Variants in FBXL17 observed in about 807,000 individuals in gnomAD.
The protein encoded by FBXL17 is F-box and leucine rich repeat protein 17, also known as F-box/LRR-repeat protein 17.
A neutral mutation model predicts 66.2 loss-of-function variants in FBXL17; 22 were observed. The ratio of observed to expected loss-of-function variants is 0.33; its 90% CI spans 0.24 to 0.47. The LOEUF is 0.47. Ranked by LOEUF, FBXL17 falls within the 20% of genes least tolerant of loss-of-function variation. FBXL17 has a pLI of 1.00. For synonymous variants in FBXL17, 474 were observed against 400.5 expected (o/e 1.18, Z -2.19); for missense variants, 878 against 948.2 (o/e 0.93, Z 0.97).
intron 4 of FBXL17, among the ~76,000 whole-genome samples, chr5:108,335,790 T>G (rs758272504): frequency 1.3e-5 from 2 of 152,148 alleles, no homozygotes; most frequent in Non-Finnish European, 2.9e-5. Context: ...ATAAAGTATA[T>G]TAGAAAAATG....
At chr5:108,295,266 C>G (rs1179079370) in intron 4 of FBXL17, among the ~76,000 whole-genome samples, 1 of 151,658 alleles carries the variant, frequency 6.6e-6, no homozygotes, top group African/African-American at 2.4e-5. Flanking sequence ...CTCCCAAATT[C>G]ATATACTTTT....
intron 1 of FBXL17, 42 bp downstream of exon 1, chr5:108,380,656 GT>G: frequency 1.1e-6 from 1 of 910,688 alleles, no homozygotes; most frequent in Non-Finnish European, 1.4e-6. Flanking sequence ...GGGGCCGGGG[GT>G]GGGGGAAAGC....
chr5:107,936,680 C>T (rs960410327), intron 7 of FBXL17, among the ~76,000 whole-genome samples: 4 of 152,082 alleles, frequency 2.6e-5, no homozygotes, highest in African/African-American at 4.8e-5. Context: ...CAGTGATCTG[C>T]TTGTGGAATT....
rs193129058 is a variant in FBXL17, at chr5:108,125,507, G to T, written c.1745+60610C>A. ...TATCAGCTAGAATTTAAGTTATCCT[G>T]AAATAAGAACTTCCTAAATGAGATA... On this transcript the variant is annotated intron_variant, in intron 6 of 8. Coordinates refer to ENST00000542267, the MANE Select transcript of FBXL17 (RefSeq NM_001163315.3). Among the ~76,000 whole-genome samples the T allele has an allele frequency of 8.4e-4, 128 of 152,154 alleles. 1 individual carries two copies. The highest frequency in any genetic ancestry group is 3.0e-3 in the African/African-American group (125 of 41,554).
intron 4 of FBXL17, among the ~76,000 whole-genome samples, chr5:108,325,053 G>A (rs917220972): frequency 1.3e-5 from 2 of 152,036 alleles, no homozygotes; most frequent in South Asian, 2.1e-4. Flanking sequence ...AGGAAAAGCA[G>A]TGTATTGTTG....
chr5:108,262,243 A>G (rs1756867167), intron 4 of FBXL17, among the ~76,000 whole-genome samples: 1 of 151,230 alleles, frequency 6.6e-6, no homozygotes, highest in African/African-American at 2.4e-5. Flanking sequence ...CGCCCAGCTA[A>G]TTTTTTTGTA....
intron 6 of FBXL17, among the ~76,000 whole-genome samples, chr5:108,086,488 G>A (rs1748974502): frequency 6.6e-6 from 1 of 152,136 alleles, no homozygotes; most frequent in East Asian, 1.9e-4. Flanking sequence ...GTCACATAAA[G>A]CATTAATTAA....
chr5:107,869,900 T>C (rs927886591), intron 8 of FBXL17, among the ~76,000 whole-genome samples: 4 of 152,222 alleles, frequency 2.6e-5, no homozygotes, highest in Admixed American at 6.5e-5. Flanking sequence ...CAGTGACTCA[T>C]ACATAGCAAA....
intron 5 of FBXL17, among the ~76,000 whole-genome samples, chr5:108,211,692 T>A (rs554189170): frequency 6.6e-6 from 1 of 152,322 alleles, no homozygotes; most frequent in African/African-American, 2.4e-5. Context: ...TACAGAAAGA[T>A]CCCCTGTTAA....
intron 7 of FBXL17, among the ~76,000 whole-genome samples, chr5:107,970,448 A>T (rs893433221): frequency 1.3e-5 from 2 of 152,148 alleles, no homozygotes; most frequent in African/African-American, 4.8e-5. Flanking sequence ...ACCCAACCCC[A>T]CAGCTGCTAC....
intron 4 of FBXL17, among the ~76,000 whole-genome samples, chr5:108,313,372 G>C (rs1291716037): frequency 6.6e-6 from 1 of 152,070 alleles, no homozygotes; most frequent in Non-Finnish European, 1.5e-5. Flanking sequence ...AGCCCAAGCT[G>C]TCTTCAAAAA....
chr5:107,981,061 A>G (rs1752805489), intron 7 of FBXL17, among the ~76,000 whole-genome samples: 1 of 152,136 alleles, frequency 6.6e-6, no homozygotes, highest in Non-Finnish European at 1.5e-5. Flanking sequence ...TAGGGAGCTT[A>G]TAATTCATAG....
intron 7 of FBXL17, among the ~76,000 whole-genome samples, chr5:107,971,764 T>C (rs1385036002): frequency 6.6e-6 from 1 of 152,134 alleles, no homozygotes; most frequent in Non-Finnish European, 1.5e-5. Context: ...GAACAAAAAG[T>C]TCACATGATT....
chr5:108,003,180 A>G (rs1269338535), intron 7 of FBXL17, among the ~76,000 whole-genome samples: 2 of 152,218 alleles, frequency 1.3e-5, no homozygotes, highest in Non-Finnish European at 2.9e-5. Context: ...CATGTGTGAT[A>G]AGGGGAAAAA....
At chr5:108,295,616 G>C (rs1758314407) in intron 4 of FBXL17, among the ~76,000 whole-genome samples, 1 of 151,882 alleles carries the variant, frequency 6.6e-6, no homozygotes, top group African/African-American at 2.4e-5. Context: ...ATCAGTTACT[G>C]TTTTCAAAGA....
At position 108,381,472 on chromosome 5, in the gene FBXL17, CG is replaced by C; in HGVS notation, c.219del (p.Ala74ProfsTer284). 1.5e-6 allele frequency: 2 copies of C among 1,321,872 alleles called. No homozygotes were observed. 81.9% of individuals were successfully genotyped at this position (1,321,872 alleles called of 1,614,324 possible). A position where few individuals can be genotyped will look rare whatever the true frequency, so the allele number is the denominator to read the frequency against. On this transcript the variant is annotated frameshift_variant, in exon 1 of 9. Coordinates refer to ENST00000542267, the MANE Select transcript of FBXL17 (RefSeq NM_001163315.3). LOFTEE classifies it high-confidence loss of function. ...AGCGGCGGCTCCTCCTCTGGGCCGG[CG>C]GGGGCGGGCGCGCCGGGACTGTGCA... ...FIVHSPGAPA[P>X]AGPEEEPPLS...
chr5:108,136,248 A>T (rs1041859790), intron 6 of FBXL17, among the ~76,000 whole-genome samples: 1 of 152,118 alleles, frequency 6.6e-6, no homozygotes, highest in Non-Finnish European at 1.5e-5. Context: ...TCAAATTACT[A>T]CTGGTTAATG....
chr5:108,245,458 C>G (rs1330540937), intron 4 of FBXL17, among the ~76,000 whole-genome samples: 2 of 151,994 alleles, frequency 1.3e-5, no homozygotes, highest in South Asian at 4.1e-4. Flanking sequence ...AACAAGAAAA[C>G]CGATCATCAA....
At chr5:108,377,218 A>C (rs1580928476) in intron 1 of FBXL17, among the ~76,000 whole-genome samples, 2 of 152,198 alleles carry the variant, frequency 1.3e-5, no homozygotes, top group Non-Finnish European at 2.9e-5. Flanking sequence ...TCAGTTAGAC[A>C]ACCTCAGGTC....
Sources: gnomAD v4.1 joint callset for allele counts (sites outside exome capture counted in the v4.1 genomes callset) on GRCh38, gnomAD v4.1.1 for gene constraint, MANE v1.5 for transcripts, NCBI Gene and HGNC (gene_info 2026-07-23, HGNC 2026-07-21) for gene names.